ZEB1: variants seen among roughly 807,000 people sequenced by gnomAD.
ZEB1 encodes zinc finger E-box-binding homeobox 1.
ZEB1 carries 21 observed loss-of-function variants against 84.9 expected under a neutral mutation model. The ratio of observed to expected loss-of-function variants is 0.25; its 90% CI spans 0.18 to 0.36. ZEB1 has a LOEUF of 0.36. Ranked by LOEUF, ZEB1 falls within the 10% of genes least tolerant of loss-of-function variation. The pLI is 1.00. For missense variants in ZEB1, 1,104 were observed against 1,330.2 expected, an observed-to-expected ratio of 0.83 and a Z score of 2.65; for synonymous variants, 420 against 471.1, an observed-to-expected ratio of 0.89 and a Z score of 1.41.
chr10:31,373,484 A>G (rs2046080743), intron 1 of ZEB1, among the ~76,000 whole-genome samples: 1 of 151,812 alleles, frequency 6.6e-6, no homozygotes, highest in African/African-American at 2.4e-5. Context: ...TATATTATAA[A>G]ATTGCTTGAC....
At chr10:31,443,392 G>C (rs2059289565) in intron 1 of ZEB1, among the ~76,000 whole-genome samples, 1 of 151,188 alleles carries the variant, frequency 6.6e-6, no homozygotes, top group South Asian at 2.1e-4. Context: ...GTTTGTAAAA[G>C]GATTTGCCTA....
intron 1 of ZEB1, among the ~76,000 whole-genome samples, chr10:31,332,935 A>G (rs943643401): frequency 5.9e-5 from 9 of 152,250 alleles, no homozygotes; most frequent in Admixed American, 1.3e-4. Context: ...ATTTGTTTAT[A>G]CTTTACTATA....
chr10:31,427,443 T>TA (rs1473173051), intron 1 of ZEB1, among the ~76,000 whole-genome samples: 1 of 152,168 alleles, frequency 6.6e-6, no homozygotes, highest in Non-Finnish European at 1.5e-5. Flanking sequence ...CCCTGGTTGA[T>TA]ACCAGGGCTC....
chr10:31,379,021 A>G (rs2047175742), intron 1 of ZEB1, among the ~76,000 whole-genome samples: 2 of 152,042 alleles, frequency 1.3e-5, no homozygotes, highest in Non-Finnish European at 2.9e-5. Context: ...ATACCTGAGT[A>G]CCTACTAAGT....
intron 1 of ZEB1, among the ~76,000 whole-genome samples, chr10:31,339,698 A>G (rs1172455066): frequency 2.6e-5 from 4 of 151,742 alleles, no homozygotes; most frequent in Non-Finnish European, 5.9e-5. Context: ...TGAACCGGGG[A>G]GGCAGAGGTT....
At chr10:31,323,130 G>A (rs2034553074) in intron 1 of ZEB1, among the ~76,000 whole-genome samples, 1 of 151,988 alleles carries the variant, frequency 6.6e-6, no homozygotes, top group Non-Finnish European at 1.5e-5. Flanking sequence ...ATTCATTCTT[G>A]TTTTAGAGCA....
chr10:31,511,395 C>T (rs980761186), intron 5 of ZEB1, among the ~76,000 whole-genome samples: 2 of 151,978 alleles, frequency 1.3e-5, no homozygotes, highest in African/African-American at 4.8e-5. Context: ...TTTTTTTATT[C>T]TGAAGACTCA....
At chr10:31,476,636 G>T (rs927408424) in intron 2 of ZEB1, among the ~76,000 whole-genome samples, 2 of 151,898 alleles carry the variant, frequency 1.3e-5, no homozygotes, top group Admixed American at 6.6e-5. Context: ...TCTCCCTGAT[G>T]AATATAAATG....
chr10:31,429,910 T>G (rs1329862667), intron 1 of ZEB1, among the ~76,000 whole-genome samples: 1 of 151,826 alleles, frequency 6.6e-6, no homozygotes, highest in Non-Finnish European at 1.5e-5. Flanking sequence ...CTGGCTAATT[T>G]TTGTATTTCT....
At chr10:31,511,131 T>C (rs1340228370) in intron 5 of ZEB1, among the ~76,000 whole-genome samples, 1 of 152,238 alleles carries the variant, frequency 6.6e-6, no homozygotes, top group African/African-American at 2.4e-5. Context: ...CTTGACTTAA[T>C]TATTTTGCTT....
intron 2 of ZEB1, among the ~76,000 whole-genome samples, chr10:31,489,421 A>C (rs1011804818): frequency 6.6e-6 from 1 of 151,230 alleles, no homozygotes. Context: ...TTTTTGGTCT[A>C]TTCTGATCAT....
At chr10:31,455,937 G>T (rs534599776) in intron 1 of ZEB1, among the ~76,000 whole-genome samples, 2 of 152,226 alleles carry the variant, frequency 1.3e-5, no homozygotes, top group East Asian at 1.9e-4. Context: ...AAATCATGCT[G>T]CTATAAAGAC....
intron 1 of ZEB1, among the ~76,000 whole-genome samples, chr10:31,456,838 C>A (rs1293971109): frequency 6.6e-6 from 1 of 152,122 alleles, no homozygotes; most frequent in Admixed American, 6.6e-5. Context: ...AGACACTGAT[C>A]TAAGCACAAT....
At chr10:31,342,081 C>G (rs2039481806) in intron 1 of ZEB1, among the ~76,000 whole-genome samples, 1 of 152,152 alleles carries the variant, frequency 6.6e-6, no homozygotes, top group Non-Finnish European at 1.5e-5. Context: ...CTCACCACAA[C>G]CATAGTTGTT....
At chr10:31,502,816 C>T (rs1013390968) in intron 4 of ZEB1, among the ~76,000 whole-genome samples, 1 of 152,176 alleles carries the variant, frequency 6.6e-6, no homozygotes, top group Non-Finnish European at 1.5e-5. Context: ...TATACCTTTA[C>T]TGCCCTTTGG....
intron 6 of ZEB1, among the ~76,000 whole-genome samples, chr10:31,515,290 A>AG (rs2070865233): frequency 1.3e-5 from 2 of 152,050 alleles, no homozygotes; most frequent in Admixed American, 1.3e-4. Flanking sequence ...ATGCGATGAA[A>AG]GTGTTGTGTC....
chr10:31,467,302 G>A (rs116589412), intron 2 of ZEB1, among the ~76,000 whole-genome samples: 2,297 of 152,214 alleles, frequency 0.015, 44 homozygotes, highest in African/African-American at 0.052. Context: ...AGTGTGCTAG[G>A]CAGCTGCAGC....
At chr10:31,348,360 CT>C (rs2040696101) in intron 1 of ZEB1, among the ~76,000 whole-genome samples, 1 of 151,828 alleles carries the variant, frequency 6.6e-6, no homozygotes, top group Non-Finnish European at 1.5e-5. Flanking sequence ...GGTCAGGAGT[CT>C]GAGACCAGCC....
In ZEB1 at chr10:31,380,454, C is replaced by A. The variant is rs143091361; in HGVS notation, c.58+61162C>A. On this transcript the variant is annotated intron_variant, in intron 1 of 8. Coordinates refer to ENST00000424869, the MANE Select transcript of ZEB1 (RefSeq NM_001174096.2). Reference sequence around the variant, plus strand: ...CAAGGAGCATATAATGTCTGCTTGTCATACTCTTATCAATGCTAAAATTGG... The same window carrying A: ...CAAGGAGCATATAATGTCTGCTTGTAATACTCTTATCAATGCTAAAATTGG... 3.1e-4 allele frequency among the ~76,000 whole-genome samples: 47 copies of A among 152,218 alleles called. No individual in the cohort carries two copies. In the East Asian group the frequency reaches 8.5e-3, roughly 27 times the overall value.
Sources: allele counts gnomAD v4.1 joint callset (sites outside exome capture counted in the v4.1 genomes callset), GRCh38; gene constraint gnomAD v4.1.1; transcripts MANE v1.5; gene names NCBI Gene and HGNC (gene_info 2026-07-23, HGNC 2026-07-21).